ARHGAP15: variants seen among roughly 807,000 people sequenced by gnomAD.
ARHGAP15 encodes the protein Rho GTPase activating protein 15.
Under a neutral mutation model 63.7 loss-of-function variants are expected in ARHGAP15, and 51 were observed. The observed-to-expected ratio is 0.80, with a 90% CI of 0.64 to 1.01. The LOEUF is 1.01. Ranked by LOEUF, ARHGAP15 falls within the 50% of genes least tolerant of loss-of-function variation. The probability of loss-of-function intolerance (pLI) is 0.00; values close to 1 mark genes in which losing one functional copy is unlikely to be tolerated. For missense variants in ARHGAP15, 560 were observed against 564.6 expected (o/e 0.99, Z 0.08); for synonymous variants, 191 against 193.8 (o/e 0.99, Z 0.12).
intron 13 of ARHGAP15, among the ~76,000 whole-genome samples, chr2:143,719,774 C>T (rs1684968315): frequency 6.6e-6 from 1 of 152,180 alleles, no homozygotes; most frequent in African/African-American, 2.4e-5. Context: ...ACGCCCTGCC[C>T]TCTCTGACCT....
rs142835997 is a variant in ARHGAP15 at position 143,434,475 on chromosome 2, G to A, written c.475-1126G>A. ...TTGAAACCTTCAGAATGAGCCATTT[G>A]GGGTAGTAATTGTCACTTTAATGAT... On this transcript the variant is annotated intron_variant, in intron 6 of 13. Coordinates refer to ENST00000295095, the MANE Select transcript of ARHGAP15 (RefSeq NM_018460.4). 3.2e-4 allele frequency among the ~76,000 whole-genome samples: 49 copies of A among 152,182 alleles called. No homozygotes were observed. The East Asian group carries it at 4.4e-3, about 14-fold the overall frequency.
intron 2 of ARHGAP15, chr2:143,162,107 T>G (rs376090451): frequency 1.3e-5 from 2 of 152,002 alleles, no homozygotes; most frequent in African/African-American, 4.8e-5. Context: ...AATATAGTTT[T>G]ATTAAAAAGA....
intron 11 of ARHGAP15, among the ~76,000 whole-genome samples, chr2:143,589,670 C>T (rs939971549): frequency 6.6e-6 from 1 of 152,086 alleles, no homozygotes; most frequent in Non-Finnish European, 1.5e-5. Context: ...TCTGCAGCTA[C>T]TCTCTTTTCA....
intron 9 of ARHGAP15, among the ~76,000 whole-genome samples, chr2:143,510,290 A>C (rs1263325097): frequency 2.0e-5 from 3 of 152,128 alleles, no homozygotes; most frequent in Non-Finnish European, 4.4e-5. Flanking sequence ...TTCTAAGTGA[A>C]TGCTACCTAC....
At chr2:143,469,965 TTC>T (rs111883290) in intron 8 of ARHGAP15, among the ~76,000 whole-genome samples, 4 of 151,106 alleles carry the variant, frequency 2.6e-5, no homozygotes, top group Non-Finnish European at 1.5e-5. Flanking sequence ...CTCTTTTTTT[TTC>T]TCTCTCTCTC....
At chr2:143,391,911 G>T (rs1687552387) in intron 6 of ARHGAP15, among the ~76,000 whole-genome samples, 1 of 152,118 alleles carries the variant, frequency 6.6e-6, no homozygotes, top group African/African-American at 2.4e-5. Context: ...ATTGGAACCT[G>T]GGAAAGGTTA....
chr2:143,737,726 T>TTTTA (rs142591625), intron 13 of ARHGAP15, among the ~76,000 whole-genome samples: 4,147 of 146,758 alleles, frequency 0.028, 78 homozygotes, highest in Non-Finnish European at 0.037. Context: ...AACCTATTTA[T>TTTTA]TTTATTTATT....
intron 11 of ARHGAP15, among the ~76,000 whole-genome samples, chr2:143,574,849 CCTTTGCAGTGTAAACCT>C (rs1696612741): frequency 2.0e-5 from 3 of 152,084 alleles, no homozygotes; most frequent in African/African-American, 7.2e-5. Flanking sequence ...TCGTTAGAAT[CCTTTGCAGTGTAAACCT>C]CTTTGCCCTC....
At chr2:143,571,461 G>T (rs1224538451) in intron 11 of ARHGAP15, among the ~76,000 whole-genome samples, 1 of 152,176 alleles carries the variant, frequency 6.6e-6, no homozygotes, top group East Asian at 1.9e-4. Context: ...GAGTTGCTAA[G>T]AGTTGCATTT....
At chr2:143,679,610 T>G (rs1024105738) in intron 12 of ARHGAP15, among the ~76,000 whole-genome samples, 9 of 151,932 alleles carry the variant, frequency 5.9e-5, no homozygotes, top group African/African-American at 1.7e-4. Context: ...TCTGTCCTTT[T>G]TTATAGATGT....
chr2:143,328,958 C>A (rs1391633232), intron 6 of ARHGAP15, among the ~76,000 whole-genome samples: 1 of 152,224 alleles, frequency 6.6e-6, no homozygotes. Context: ...CATAAATATA[C>A]ACACCTACTG....
rs373847590 is a variant in ARHGAP15, at chr2:143,605,858, CAAAA to C, written c.1004-18250_1004-18247del. On this transcript the variant is annotated intron_variant, in intron 11 of 13. Transcript: ENST00000295095. Reference sequence around the variant, plus strand: ...GTGAAACCCTGTCTCTACTAAAATACAAAAAAAAAAAAAAAAAAAAAAAAAAAAT... The same window carrying C: ...GTGAAACCCTGTCTCTACTAAAATACAAAAAAAAAAAAAAAAAAAAAAAAT... 4.0e-4 allele frequency among the ~76,000 whole-genome samples: 34 copies of C among 85,306 alleles called. 1 individual carries two copies. In the South Asian group the frequency reaches 5.9e-3, roughly 15 times the overall value. The allele number at this position is 85,306 out of a possible 152,430, so 56.0% of individuals were successfully genotyped here.
At chr2:143,415,684 T>C (rs1305492047) in intron 6 of ARHGAP15, among the ~76,000 whole-genome samples, 1 of 152,198 alleles carries the variant, frequency 6.6e-6, no homozygotes, top group Non-Finnish European at 1.5e-5. Context: ...GGCAAAGTTA[T>C]AGCAGCACAA....
rs763270128 is a variant in ARHGAP15 at position 143,305,061 on chromosome 2, GA to G, written c.474+54462del. Among the ~76,000 whole-genome samples the G allele has an allele frequency of 3.3e-5, 5 of 152,140 alleles. No individual in the cohort carries two copies. In the South Asian group the frequency reaches 6.2e-4, roughly 19 times the overall value. On this transcript the variant is annotated intron_variant, in intron 6 of 13. Transcript: ENST00000295095. ...TTGTGGCACTGCTCACGATAGCAAA[GA>G]CTTGGAACCCAACCCAAATGCCATC...
At chr2:143,293,353 A>C (rs956152671) in intron 6 of ARHGAP15, among the ~76,000 whole-genome samples, 1 of 152,096 alleles carries the variant, frequency 6.6e-6, no homozygotes, top group Non-Finnish European at 1.5e-5. Flanking sequence ...TACACTCTTA[A>C]CATGTGTTAA....
chr2:143,216,370 C>A lies in ARHGAP15; in HGVS notation c.235-14C>A. The A allele has an allele frequency of 6.2e-7, 1 of 1,603,408 alleles. No individual in the cohort carries two copies. The highest frequency in any genetic ancestry group is 1.7e-5 in the Admixed American group (1 of 59,088). On this transcript the variant is annotated splice_polypyrimidine_tract_variant and intron_variant, in intron 3 of 13. Coordinates refer to ENST00000295095, the MANE Select transcript of ARHGAP15 (RefSeq NM_018460.4). ...TAGTTTGTCACGGTTTTAACATATG[C>A]ATTCTTCTTGCAGATGGTTGAAAAA...
chr2:143,219,586 A>G (rs1265209065), intron 4 of ARHGAP15, among the ~76,000 whole-genome samples: 1 of 152,218 alleles, frequency 6.6e-6, no homozygotes, highest in African/African-American at 2.4e-5. Flanking sequence ...CCAGGAGTAC[A>G]GGATTGCTCA....
At chr2:143,711,994 G>A (rs1288776459) in intron 13 of ARHGAP15, among the ~76,000 whole-genome samples, 1 of 152,160 alleles carries the variant, frequency 6.6e-6, no homozygotes, top group Non-Finnish European at 1.5e-5. Flanking sequence ...AAGTGGAGAG[G>A]TAAGGTAATG....
At position 143,381,362 on chromosome 2, in the gene ARHGAP15, T is replaced by C. The variant is rs563534766; in HGVS notation, c.475-54239T>C. Among the ~76,000 whole-genome samples, 5 of 152,178 alleles carry C rather than the reference T, an allele frequency of 3.3e-5. No individual in the cohort carries two copies. The South Asian group carries it at 8.3e-4, about 25-fold the overall frequency. ...TCTTATTGGATGTCTGCCATCAATA[T>C]TAAATTGTCTTAATCCTGATTTTTC... On this transcript the variant is annotated intron_variant, in intron 6 of 13. Transcript: ENST00000295095.
Sources: gnomAD v4.1 joint callset for allele counts (sites outside exome capture counted in the v4.1 genomes callset) on GRCh38, gnomAD v4.1.1 for gene constraint, MANE v1.5 for transcripts, NCBI Gene and HGNC (gene_info 2026-07-23, HGNC 2026-07-21) for gene names.